The following PLCG2 variants were observed in gnomAD, a reference collection of about 807,000 sequenced individuals.
PLCG2 encodes phospholipase C gamma 2.
A neutral mutation model predicts 175.6 loss-of-function variants in PLCG2; 69 were observed. The ratio of observed to expected loss-of-function variants is 0.39; its 90% CI spans 0.32 to 0.48. The LOEUF is 0.48. Among genes scored for constraint, PLCG2 ranks in the 20% least tolerant of loss-of-function variants. The pLI is 0.91. For missense variants in PLCG2, 1,798 were observed against 1,650.9 expected, an observed-to-expected ratio of 1.09 and a Z score of -1.54; for synonymous variants, 827 against 624.0, an observed-to-expected ratio of 1.33 and a Z score of -4.85.
intron 2 of PLCG2, among the ~76,000 whole-genome samples, chr16:81,820,824 T>G (rs4559900): frequency 0.65 from 95,870 of 147,108 alleles, 31,180 homozygotes; most frequent in East Asian, 0.89. Context: ...TCTCATCATG[T>G]TGGCTAGGCT....
chr16:81,754,134 G>C (rs1296716028), intron 1 of PLCG2, among the ~76,000 whole-genome samples: 1 of 151,898 alleles, frequency 6.6e-6, no homozygotes, highest in Non-Finnish European at 1.5e-5. Flanking sequence ...AGGTTCTAGG[G>C]ACCCACTTCT....
chr16:81,788,983 C>G (rs1416977634), intron 2 of PLCG2, among the ~76,000 whole-genome samples: 1 of 152,218 alleles, frequency 6.6e-6, no homozygotes, highest in Non-Finnish European at 1.5e-5. Context: ...TTTCTCTTCT[C>G]AACCTGCCCA....
chr16:81,779,605 C>T (rs1161764813), intron 1 of PLCG2, among the ~76,000 whole-genome samples, 181 bp downstream of exon 1: 4 of 152,072 alleles, frequency 2.6e-5, no homozygotes, highest in Non-Finnish European at 4.4e-5. Context: ...TTGGTGACGG[C>T]AGGGATCCTG....
chr16:81,741,938 A>G (rs1468736823), intron 1 of PLCG2, among the ~76,000 whole-genome samples: 2 of 152,192 alleles, frequency 1.3e-5, no homozygotes, highest in African/African-American at 4.8e-5. Flanking sequence ...GCCATAGTTA[A>G]CCATATTCAC....
intron 31 of PLCG2, among the ~76,000 whole-genome samples, chr16:81,953,037 T>G (rs1324966676): frequency 3.9e-5 from 6 of 152,196 alleles, no homozygotes; most frequent in Admixed American, 3.9e-4. Context: ...ATTGCTTCTG[T>G]GACATTCTTG....
chr16:81,757,739 A>G (rs1909958544), intron 2 of PLCG2, among the ~76,000 whole-genome samples: 1 of 152,162 alleles, frequency 6.6e-6, no homozygotes, highest in African/African-American at 2.4e-5. Flanking sequence ...GAGCACTGAC[A>G]TCATCACCAC....
At chr16:81,868,040 C>T (rs1003381570) in intron 5 of PLCG2, among the ~76,000 whole-genome samples, 4 of 152,164 alleles carry the variant, frequency 2.6e-5, no homozygotes, top group South Asian at 2.1e-4. Flanking sequence ...TATGTGGCTT[C>T]GAAGAAACAC....
At chr16:81,946,136 A>G in intron 30 of PLCG2, 39 bp from the exon 31 acceptor site, 1 of 1,516,358 alleles carries the variant, frequency 6.6e-7, no homozygotes, top group African/African-American at 1.4e-5. Context: ...TCTGACATTA[A>G]TTACCTGCCT....
intron 15 of PLCG2, among the ~76,000 whole-genome samples, chr16:81,905,868 C>T (rs4587968): frequency 0.74 from 113,184 of 152,010 alleles, 42,893 homozygotes; most frequent in East Asian, 0.97. Context: ...TCGTGTTGCC[C>T]AGGGTGATTT....
At chr16:81,907,442 A>G (rs1909423446) in intron 15 of PLCG2, among the ~76,000 whole-genome samples, 1 of 152,240 alleles carries the variant, frequency 6.6e-6, no homozygotes, top group Non-Finnish European at 1.5e-5. Flanking sequence ...CCTACCTTAG[A>G]CTCATGGATC....
At chr16:81,873,990 C>T (rs1907645655) in intron 7 of PLCG2, among the ~76,000 whole-genome samples, 1 of 152,006 alleles carries the variant, frequency 6.6e-6, no homozygotes, top group Non-Finnish European at 1.5e-5. Context: ...ATGTCAGAAC[C>T]CTCTGGGGTG....
intron 2 of PLCG2, among the ~76,000 whole-genome samples, chr16:81,796,143 A>G (rs9940772): frequency 0.76 from 116,201 of 152,170 alleles, 45,092 homozygotes; most frequent in Non-Finnish European, 0.82. Flanking sequence ...GTGGTGAGCC[A>G]CTGGCACTGA....
At chr16:81,795,044 A>T (rs1471608939) in intron 2 of PLCG2, among the ~76,000 whole-genome samples, 2 of 152,182 alleles carry the variant, frequency 1.3e-5, no homozygotes, top group African/African-American at 4.8e-5. Context: ...TGTTCTTAGA[A>T]TTTGTTCCTT....
chr16:81,902,351 G>A (rs761065264), intron 14 of PLCG2, among the ~76,000 whole-genome samples: 7 of 152,184 alleles, frequency 4.6e-5, no homozygotes, highest in Non-Finnish European at 1.0e-4. Context: ...GATTTCTCAC[G>A]GTTCTGGAGG....
chr16:81,821,833 C>T (rs1329641194), intron 2 of PLCG2, among the ~76,000 whole-genome samples: 1 of 152,068 alleles, frequency 6.6e-6, no homozygotes, highest in Non-Finnish European at 1.5e-5. Context: ...CTTTTGGGGA[C>T]CCCTCCCCTC....
intron 2 of PLCG2, among the ~76,000 whole-genome samples, chr16:81,799,471 T>A (rs1485432535): frequency 6.6e-6 from 1 of 152,176 alleles, no homozygotes; most frequent in Non-Finnish European, 1.5e-5. Flanking sequence ...GTCACCCAGG[T>A]TGGTGTGCAG....
In PLCG2 at chr16:81,937,896, C is replaced by T. The variant is rs766651721; in HGVS notation, c.3191C>T (p.Thr1064Ile). 5.0e-6 allele frequency: 8 copies of T among 1,613,940 alleles called. No individual in the cohort carries two copies. Among genetic ancestry groups the T allele is most frequent in the African/African-American group, 4.0e-5 (3 of 74,930 alleles). ...ESQRKILMTLTVKVLGARHLP... is the reference protein window; with the variant it reads ...ESQRKILMTLIVKVLGARHLP... ...CAGAGGAAGATCCTGATGACGCTGA[C>T]AGTCAAGGTAAAGCCAGCCCTCCCT... is the stretch of plus-strand genomic sequence containing the variant. The change falls in exon 28 of 33, where the codon ACA becomes ATA. Residue 1064 changes from threonine to isoleucine, a missense_variant. By Grantham distance (89) the Thr-to-Ile change is moderately conservative. Coordinates refer to ENST00000564138, the MANE Select transcript of PLCG2 (RefSeq NM_002661.5).
intron 2 of PLCG2, among the ~76,000 whole-genome samples, chr16:81,829,967 C>G (rs375246761): frequency 1.3e-5 from 2 of 151,888 alleles, no homozygotes; most frequent in East Asian, 1.9e-4. Context: ...CAGGCACTTT[C>G]CTGCTGTGGA....
intron 2 of PLCG2, among the ~76,000 whole-genome samples, chr16:81,810,648 T>C (rs1307558085): frequency 1.4e-5 from 2 of 146,342 alleles, no homozygotes; most frequent in Non-Finnish European, 3.0e-5. Flanking sequence ...TTCTTTCTTT[T>C]TATTTTTTGC....
Sources: gnomAD v4.1 joint callset for allele counts (sites outside exome capture counted in the v4.1 genomes callset) on GRCh38, gnomAD v4.1.1 for gene constraint, MANE v1.5 for transcripts, NCBI Gene and HGNC (gene_info 2026-07-23, HGNC 2026-07-21) for gene names.